ARL15: variants seen among roughly 807,000 people sequenced by gnomAD.
ARL15 encodes the protein ARF like GTPase 15.
Under a neutral mutation model 25.2 loss-of-function variants are expected in ARL15, and 19 were observed. The observed-to-expected ratio is 0.75, with a 90% CI of 0.53 to 1.10. The LOEUF is 1.10. Among genes scored for constraint, ARL15 ranks in the 50% least tolerant of loss-of-function variants. The probability of loss-of-function intolerance (pLI) is 0.00; values close to 1 mark genes in which losing one functional copy is unlikely to be tolerated. For synonymous variants in ARL15, 94 were observed against 86.8 expected, an observed-to-expected ratio of 1.08 and a Z score of -0.46; for missense variants, 220 against 246.0, an observed-to-expected ratio of 0.89 and a Z score of 0.71.
chr5:54,259,844 A>G (rs1424412853), intron 1 of ARL15, among the ~76,000 whole-genome samples: 2 of 152,234 alleles, frequency 1.3e-5, no homozygotes, highest in South Asian at 2.1e-4. Context: ...GTTCCTGGCC[A>G]GCAACTTGAT....
At chr5:54,255,207 AT>A (rs35565598) in intron 1 of ARL15, among the ~76,000 whole-genome samples, 16 of 149,816 alleles carry the variant, frequency 1.1e-4, no homozygotes, top group Middle Eastern at 3.5e-3. Flanking sequence ...ACTCCACGTC[AT>A]TTTTTTTTTA....
intron 2 of ARL15, among the ~76,000 whole-genome samples, chr5:54,158,730 G>A (rs1018754651): frequency 1.3e-5 from 2 of 152,094 alleles, no homozygotes; most frequent in African/African-American, 2.4e-5. Flanking sequence ...AAAATTAGCT[G>A]GGCGTGGTGG....
intron 4 of ARL15, among the ~76,000 whole-genome samples, chr5:53,900,606 T>A (rs942708449): frequency 2.0e-5 from 3 of 152,052 alleles, no homozygotes; most frequent in Non-Finnish European, 4.4e-5. Context: ...ACAAAGAGGA[T>A]ACTTATTTGA....
intron 4 of ARL15, among the ~76,000 whole-genome samples, chr5:54,088,065 G>A (rs917775768): frequency 1.3e-5 from 2 of 152,102 alleles, no homozygotes; most frequent in Non-Finnish European, 2.9e-5. Flanking sequence ...ATGCATCCTA[G>A]GAACTATCCA....
At chr5:54,174,417 TCTTTTTGTCCTAAATTCA>T (rs910100870) in intron 1 of ARL15, among the ~76,000 whole-genome samples, 1 of 152,174 alleles carries the variant, frequency 6.6e-6, no homozygotes, top group Non-Finnish European at 1.5e-5. Flanking sequence ...AATTAGAGCT[TCTTTTTGTCCTAAATTCA>T]CTTTTCCTCT....
At chr5:54,198,235 C>T (rs1430509870) in intron 1 of ARL15, among the ~76,000 whole-genome samples, 1 of 152,052 alleles carries the variant, frequency 6.6e-6, no homozygotes, top group East Asian at 1.9e-4. Context: ...AAAACTGGCA[C>T]AAGACAGGGA....
intron 1 of ARL15, among the ~76,000 whole-genome samples, chr5:54,248,855 GAAA>G (rs1757162469): frequency 6.6e-6 from 1 of 152,118 alleles, no homozygotes; most frequent in African/African-American, 2.4e-5. Context: ...CCCCAAGACA[GAAA>G]AAGAGAAAAA....
chr5:53,910,377 A>G (rs939970974), intron 4 of ARL15, among the ~76,000 whole-genome samples: 23 of 152,106 alleles, frequency 1.5e-4, no homozygotes, highest in African/African-American at 5.6e-4. Flanking sequence ...TGGCATTTCA[A>G]TACTAGGGTC....
At chr5:54,167,390 C>T (rs572090901) in intron 2 of ARL15, among the ~76,000 whole-genome samples, 1 of 152,332 alleles carries the variant, frequency 6.6e-6, no homozygotes, top group African/African-American at 2.4e-5. Flanking sequence ...CCCTCTGGAA[C>T]TGTGCCACAG....
intron 4 of ARL15, among the ~76,000 whole-genome samples, chr5:53,896,334 T>G (rs1744872564): frequency 6.6e-6 from 1 of 150,520 alleles, no homozygotes; most frequent in African/African-American, 2.4e-5. Flanking sequence ...ACGCCCAGCC[T>G]ATTTAATCAT....
intron 3 of ARL15, among the ~76,000 whole-genome samples, chr5:54,118,348 C>T (rs574970024): frequency 7.9e-5 from 12 of 152,158 alleles, no homozygotes; most frequent in Admixed American, 1.3e-4. Flanking sequence ...TATGAGCATC[C>T]GGCCCTCTTC....
intron 1 of ARL15, among the ~76,000 whole-genome samples, chr5:54,292,937 T>C (rs1035485339): frequency 1.3e-5 from 2 of 152,166 alleles, no homozygotes; most frequent in Non-Finnish European, 2.9e-5. Flanking sequence ...AAAGAGACAG[T>C]TGGATATTCA....
intron 4 of ARL15, among the ~76,000 whole-genome samples, chr5:53,987,272 A>G (rs1386284758): frequency 6.6e-6 from 1 of 151,352 alleles, no homozygotes; most frequent in Non-Finnish European, 1.5e-5. Context: ...TGCTTCCAGA[A>G]CTATGTAGCC....
At chr5:53,886,859 T>C (rs1580049685) in intron 4 of ARL15, 146 bp from the exon 5 acceptor site, 2 of 722,148 alleles carry the variant, frequency 2.8e-6, no homozygotes, top group Admixed American at 2.9e-5. Context: ...TGGATGCCTG[T>C]CCGCAGCTGT....
intron 1 of ARL15, among the ~76,000 whole-genome samples, chr5:54,279,130 T>A (rs1490939739): frequency 1.3e-5 from 2 of 152,332 alleles, no homozygotes; most frequent in South Asian, 2.1e-4. Flanking sequence ...TAACCCATAA[T>A]CTTTTTAGGT....
At chr5:53,983,093 A>C (rs976571698) in intron 4 of ARL15, among the ~76,000 whole-genome samples, 2 of 152,152 alleles carry the variant, frequency 1.3e-5, no homozygotes, top group African/African-American at 4.8e-5. Flanking sequence ...CAGTCATGGA[A>C]TCAGTTGATT....
At chr5:54,262,301 G>C (rs988236513) in intron 1 of ARL15, among the ~76,000 whole-genome samples, 4 of 152,166 alleles carry the variant, frequency 2.6e-5, no homozygotes, top group Admixed American at 2.6e-4. Flanking sequence ...GAGCAGAATA[G>C]TGAGAATTTC....
chr5:54,190,712 A>G (rs1295909533), intron 1 of ARL15, among the ~76,000 whole-genome samples: 2 of 152,146 alleles, frequency 1.3e-5, no homozygotes, highest in African/African-American at 4.8e-5. Flanking sequence ...ACCTTTTAAT[A>G]CCATCACATT....
intron 3 of ARL15, among the ~76,000 whole-genome samples, chr5:54,129,794 C>T (rs886314380): frequency 1.3e-5 from 2 of 152,084 alleles, no homozygotes; most frequent in African/African-American, 2.4e-5. Context: ...TAAAGCAAAC[C>T]GTTAATATTA....
Sources: allele counts gnomAD v4.1 joint callset (sites outside exome capture counted in the v4.1 genomes callset), GRCh38; gene constraint gnomAD v4.1.1; transcripts MANE v1.5; gene names NCBI Gene and HGNC (gene_info 2026-07-23, HGNC 2026-07-21).